The following PLXNA4 variants were observed in gnomAD, a reference collection of about 807,000 sequenced individuals.
The protein encoded by PLXNA4 is plexin-A4.
PLXNA4 carries 44 observed loss-of-function variants against 191.8 expected under a neutral mutation model. The ratio of observed to expected loss-of-function variants is 0.23; its 90% CI spans 0.18 to 0.29. The LOEUF (loss-of-function observed/expected upper bound fraction) is 0.29. PLXNA4 is among the 10% of genes least tolerant of loss of function. PLXNA4 has a pLI of 1.00. For missense variants in PLXNA4, 1,800 were observed against 2,488.8 expected, an observed-to-expected ratio of 0.72 and a Z score of 5.89; for synonymous variants, 1,082 against 1,009.5, an observed-to-expected ratio of 1.07 and a Z score of -1.36.
chr7:132,519,748 G>T (rs1167216126), intron 1 of PLXNA4, among the ~76,000 whole-genome samples: 1 of 152,224 alleles, frequency 6.6e-6, no homozygotes, highest in African/African-American at 2.4e-5. Context: ...AGCCAGTCAT[G>T]CATCAGCCAG....
intron 29 of PLXNA4, 47 bp downstream of exon 29, chr7:132,145,072 G>C (rs543456109): frequency 6.2e-7 from 1 of 1,612,454 alleles, no homozygotes; most frequent in African/African-American, 1.3e-5. Flanking sequence ...CTTGAGGCTG[G>C]GTGGGCTCAG....
At chr7:132,153,353 G>A (rs1442343024) in intron 25 of PLXNA4, among the ~76,000 whole-genome samples, 1 of 152,150 alleles carries the variant, frequency 6.6e-6, no homozygotes, top group African/African-American at 2.4e-5. Flanking sequence ...GCTGAGCTGA[G>A]GCCAGGGAGA....
intron 3 of PLXNA4, among the ~76,000 whole-genome samples, chr7:132,418,758 G>T (rs557237205): frequency 1.8e-4 from 28 of 152,288 alleles, no homozygotes; most frequent in African/African-American, 6.0e-4. Flanking sequence ...GGAGCAGGGG[G>T]TGTGGGAAGA....
At chr7:132,236,659 G>C (rs1798711775) in intron 5 of PLXNA4, among the ~76,000 whole-genome samples, 1 of 152,138 alleles carries the variant, frequency 6.6e-6, no homozygotes, top group Non-Finnish European at 1.5e-5. Context: ...CTGGCACACT[G>C]CTGGGCACGA....
intron 20 of PLXNA4, among the ~76,000 whole-genome samples, chr7:132,178,748 TACACACACAC>T (rs55690930): frequency 4.8e-5 from 5 of 103,256 alleles, no homozygotes; most frequent in Middle Eastern, 6.0e-3. Context: ...ATGAAACACA[TACACACACAC>T]ACACACACAC....
intron 4 of PLXNA4, among the ~76,000 whole-genome samples, chr7:132,241,921 C>T (rs1014169577): frequency 1.3e-5 from 2 of 152,220 alleles, no homozygotes; most frequent in Non-Finnish European, 2.9e-5. Context: ...TTCCACATGA[C>T]ATTTTTGCTT....
intron 9 of PLXNA4, among the ~76,000 whole-genome samples, chr7:132,215,372 A>C (rs1254112360): frequency 6.6e-6 from 1 of 152,206 alleles, no homozygotes; most frequent in African/African-American, 2.4e-5. Context: ...AAATGAAGGG[A>C]TTGGTTTGGA....
chr7:132,577,718 A>G (rs1414601214), upstream of PLXNA4, among the ~76,000 whole-genome samples: 2 of 152,250 alleles, frequency 1.3e-5, no homozygotes, highest in Admixed American at 1.3e-4. Context: ...GCGCGCTCAG[A>G]GGGAGGCGCT....
intron 1 of PLXNA4, among the ~76,000 whole-genome samples, chr7:132,540,089 C>G (rs959353327): frequency 6.6e-6 from 1 of 152,164 alleles, no homozygotes; most frequent in African/African-American, 2.4e-5. Flanking sequence ...AGGGATGCTC[C>G]TCTTGCACTG....
chr7:132,257,032 C>G (rs548130909), intron 4 of PLXNA4, among the ~76,000 whole-genome samples: 2 of 152,306 alleles, frequency 1.3e-5, no homozygotes, highest in South Asian at 4.1e-4. Flanking sequence ...CAGATGAAGA[C>G]ACAGGTTGGG....
chr7:132,573,058 C>T (rs1314930616), intron 1 of PLXNA4, among the ~76,000 whole-genome samples: 2 of 141,696 alleles, frequency 1.4e-5, no homozygotes, highest in Non-Finnish European at 1.5e-5. Flanking sequence ...CGCACAAAGC[C>T]AAGAGGTAGA....
intron 1 of PLXNA4, among the ~76,000 whole-genome samples, chr7:132,561,926 ATCC>A (rs1349355497): frequency 5.1e-4 from 15 of 29,664 alleles, no homozygotes; most frequent in African/African-American, 1.6e-3. Context: ...CCTCCTCCTC[ATCC>A]TCCTCCTCCT....
intron 3 of PLXNA4, among the ~76,000 whole-genome samples, chr7:132,481,262 C>G (rs547206140): frequency 4.1e-4 from 63 of 152,056 alleles, no homozygotes; most frequent in African/African-American, 1.4e-3. Flanking sequence ...AGGGCAGAGA[C>G]AGAACAGAGG....
intron 3 of PLXNA4, among the ~76,000 whole-genome samples, chr7:132,302,648 T>C (rs1801350909): frequency 6.6e-6 from 1 of 150,512 alleles, no homozygotes; most frequent in African/African-American, 2.4e-5. Flanking sequence ...TTGGTCAAGT[T>C]CACCTGAACA....
At chr7:132,407,284 T>A (rs74953694) in intron 3 of PLXNA4, among the ~76,000 whole-genome samples, 8 of 152,250 alleles carry the variant, frequency 5.3e-5, no homozygotes, top group African/African-American at 1.2e-4. Flanking sequence ...AGGGATGAGA[T>A]GGACTGATGT....
At chr7:132,502,490 G>T (rs755531318) in intron 2 of PLXNA4, among the ~76,000 whole-genome samples, 14 of 152,214 alleles carry the variant, frequency 9.2e-5, no homozygotes, top group Non-Finnish European at 1.6e-4. Context: ...TTCTGGAAAT[G>T]TGAGAGGTTT....
In PLXNA4 at chr7:132,241,153, G is replaced by A. The variant is rs377606857; in HGVS notation, c.1517C>T (p.Pro506Leu). The change falls in exon 5 of 32, where the codon CCT becomes CTT. Residue 506 changes from proline to leucine, a missense_variant. By Grantham distance (98) the Pro-to-Leu change is moderately conservative (BLOSUM62 -3). This residue lies in a region of PLXNA4 where 1,397 missense variants were observed against 1,880.4 expected (regional missense o/e 0.74). Transcript: ENST00000321063. ...IMSERQLTRV[P>L]VESCGQYQSC... ...CTGATACTGACCACAGGACTCCACAGGGACTCTGGTGAGCTAGGACAGCAG... is the reference window on the plus strand; with the variant it reads ...CTGATACTGACCACAGGACTCCACAAGGACTCTGGTGAGCTAGGACAGCAG... The A allele has an allele frequency of 1.9e-6, 3 of 1,611,988 alleles. No individual in the cohort carries two copies. The highest frequency in any genetic ancestry group is 1.3e-5 in the African/African-American group (1 of 74,918).
chr7:132,443,563 G>A (rs902257404), intron 3 of PLXNA4, among the ~76,000 whole-genome samples: 5 of 152,068 alleles, frequency 3.3e-5, no homozygotes, highest in Admixed American at 1.3e-4. Flanking sequence ...TTCCTGGCAC[G>A]TGCTCAGTCA....
Position 132,202,766 on chromosome 7 carries a change from T to G in PLXNA4, c.2466A>C (p.Ala822=), listed in dbSNP as rs148436039. 420 of 1,612,196 alleles carry G rather than the reference T, an allele frequency of 2.6e-4. 3 individuals carry two copies. In the East Asian group the frequency reaches 9.0e-3, roughly 34 times the overall value. The change falls in exon 12 of 32, where the codon GCA becomes GCC. Residue 822 remains alanine, a synonymous_variant. Coordinates refer to ENST00000321063, the MANE Select transcript of PLXNA4 (RefSeq NM_020911.2). ...GGCCTGGGCCCTGGCACCAGCCACA[T>G]GCGAAGTCTGGGTCAGCCTTGAGGC... is the stretch of plus-strand genomic sequence containing the variant. ...GLCLKADPDF[A]CGWCQGPGQC... is the part of the protein sequence containing the mutation.
Sources: gnomAD v4.1 joint callset for allele counts (sites outside exome capture counted in the v4.1 genomes callset) on GRCh38, gnomAD v4.1.1 for gene constraint, gnomAD v4.1.1 regional missense constraint, MANE v1.5 for transcripts, NCBI Gene and HGNC (gene_info 2026-07-23, HGNC 2026-07-21) for gene names.